GREB1L: variants seen among roughly 807,000 people sequenced by gnomAD.
GREB1L encodes the protein GREB1-like protein.
Under a neutral mutation model 200.8 loss-of-function variants are expected in GREB1L, and 17 were observed. That is an observed-to-expected ratio of 0.08 (90% CI 0.06 to 0.13). The LOEUF (loss-of-function observed/expected upper bound fraction) is 0.13. Among genes scored for constraint, GREB1L ranks in the 10% least tolerant of loss-of-function variants. GREB1L has a pLI of 1.00. For synonymous variants in GREB1L, 789 were observed against 893.0 expected (o/e 0.88, Z 2.08); for missense variants, 1,657 against 2,367.7 (o/e 0.70, Z 6.23).
At chr18:21,311,199 G>A (rs186281385) in intron 1 of GREB1L, among the ~76,000 whole-genome samples, 3 of 152,354 alleles carry the variant, frequency 2.0e-5, no homozygotes, top group East Asian at 3.9e-4. Context: ...AGTTATCAAT[G>A]CAAGCATTAG....
chr18:21,461,256 C>A (rs1171720296), intron 15 of GREB1L, among the ~76,000 whole-genome samples: 2 of 152,130 alleles, frequency 1.3e-5, no homozygotes, highest in Non-Finnish European at 2.9e-5. Flanking sequence ...GATAGAGTTT[C>A]CACCTTTGAG....
chr18:21,473,957 GACTT>G (rs1386431385), intron 16 of GREB1L, among the ~76,000 whole-genome samples: 1 of 152,162 alleles, frequency 6.6e-6, no homozygotes, highest in African/African-American at 2.4e-5. Flanking sequence ...GATCTCGTGA[GACTT>G]ACTGTCACAA....
intron 27 of GREB1L, among the ~76,000 whole-genome samples, chr18:21,510,621 T>G (rs1598951333): frequency 6.6e-6 from 1 of 152,268 alleles, no homozygotes; most frequent in African/African-American, 2.4e-5. Context: ...TCCCACCTTA[T>G]GGCTGTTGTG....
At chr18:21,370,914 C>CA (rs368064032) in intron 2 of GREB1L, among the ~76,000 whole-genome samples, 3,630 of 151,702 alleles carry the variant, frequency 0.024, 148 homozygotes, top group African/African-American at 0.081. Flanking sequence ...CCCGTCTCTA[C>CA]AAAAAAAATA....
rs201915546 is a variant in GREB1L at position 21,525,865 on chromosome 18, G to T, written c.*3044G>T. 6.5e-4 allele frequency among the ~76,000 whole-genome samples: 63 copies of T among 96,914 alleles called. No homozygotes were observed. The highest frequency in any genetic ancestry group is 1.7e-3 in the Non-Finnish European group (56 of 32,738). 63.6% of individuals were successfully genotyped at this position (96,914 alleles called of 152,430 possible). ...ATTAATAAAGTGTAGTAAATTAAAA[G>T]AATTTGACATAGATTCCATGAAAAC... On this transcript the variant is annotated 3_prime_UTR_variant, in exon 33 of 33. Transcript: ENST00000424526.
chr18:21,452,060 T>C, intron 13 of GREB1L, 23 bp from the exon 14 acceptor site: 1 of 1,550,508 alleles, frequency 6.4e-7, no homozygotes, highest in African/African-American at 1.4e-5. Flanking sequence ...CCTTGTAACC[T>C]TCTTATCTCT....
intron 1 of GREB1L, among the ~76,000 whole-genome samples, chr18:21,278,909 C>T (rs1016482960): frequency 6.6e-6 from 1 of 152,110 alleles, no homozygotes; most frequent in African/African-American, 2.4e-5. Context: ...CTAATAGTTA[C>T]ATTAGAATAG....
chr18:21,473,163 A>C lies in GREB1L; in HGVS notation c.2315A>C (p.Tyr772Ser). Residue 772 changes from tyrosine (Y) to serine (S), a missense_variant, in exon 16 of 33, where the codon TAC (tyrosine) becomes TCC (serine). Transcript: ENST00000424526. ...VFMRRVKQNPYTLFVLVHDNS... is the reference protein window; with the variant it reads ...VFMRRVKQNPSTLFVLVHDNS... The stretch of plus-strand genomic sequence containing the variant: ...ATGAGGAGAGTGAAACAGAACCCGT[A>C]CACACTGTTTGTGCTAGTTCATGAC... 6.5e-7 allele frequency: 1 copy of C among 1,549,370 alleles called. No homozygotes were observed. The highest frequency in any genetic ancestry group is 8.7e-7 in the Non-Finnish European group (1 of 1,145,776).
At chr18:21,245,845 G>C (rs1213801903) in intron 1 of GREB1L, among the ~76,000 whole-genome samples, 1 of 152,052 alleles carries the variant, frequency 6.6e-6, no homozygotes, top group African/African-American at 2.4e-5. Context: ...AGCCTCCCTA[G>C]CAGCTGTGAC....
At chr18:21,403,408 C>T (rs909565929) in intron 6 of GREB1L, among the ~76,000 whole-genome samples, 10 of 152,130 alleles carry the variant, frequency 6.6e-5, no homozygotes, top group African/African-American at 2.4e-4. Flanking sequence ...TTTTTCTTTG[C>T]TTCTGTTTTT....
chr18:21,437,300 C>T (rs764443401), intron 7 of GREB1L, among the ~76,000 whole-genome samples: 1 of 152,130 alleles, frequency 6.6e-6, no homozygotes, highest in African/African-American at 2.4e-5. Flanking sequence ...TCAGGTCCAA[C>T]AATTCTTGCA....
At chr18:21,279,554 A>AT (rs2038231399) in intron 1 of GREB1L, among the ~76,000 whole-genome samples, 1 of 152,204 alleles carries the variant, frequency 6.6e-6, no homozygotes, top group Non-Finnish European at 1.5e-5. Flanking sequence ...GATTCTTCCA[A>AT]TTTTTAATTC....
At chr18:21,514,107 C>T in intron 28 of GREB1L, 121 bp downstream of exon 28, 2 of 862,638 alleles carry the variant, frequency 2.3e-6, no homozygotes, top group South Asian at 3.7e-5. Flanking sequence ...AAACAGTCAA[C>T]CATGAGACCA....
At chr18:21,483,821 C>G (rs1287227594) in intron 17 of GREB1L, among the ~76,000 whole-genome samples, 3 of 145,868 alleles carry the variant, frequency 2.1e-5, no homozygotes, top group African/African-American at 7.4e-5. Flanking sequence ...ACTAAAAATA[C>G]AAAAATTAGC....
chr18:21,284,895 A>G (rs2038329854), intron 1 of GREB1L, among the ~76,000 whole-genome samples: 2 of 152,032 alleles, frequency 1.3e-5, no homozygotes, highest in Non-Finnish European at 2.9e-5. Context: ...GTAGTATCCC[A>G]TTGTGGGTTT....
At chr18:21,471,431 A>T (rs1275461299) in intron 15 of GREB1L, among the ~76,000 whole-genome samples, 1 of 152,150 alleles carries the variant, frequency 6.6e-6, no homozygotes. Context: ...TGCCTACCCC[A>T]TAGTACCTTG....
At chr18:21,445,825 G>A (rs2034185775) in intron 11 of GREB1L, among the ~76,000 whole-genome samples, 1 of 152,104 alleles carries the variant, frequency 6.6e-6, no homozygotes, top group Admixed American at 6.6e-5. Context: ...CAATTATAAA[G>A]CTCATCTGGG....
intron 17 of GREB1L, among the ~76,000 whole-genome samples, chr18:21,483,759 C>G (rs1253426869): frequency 1.3e-5 from 2 of 152,050 alleles, no homozygotes; most frequent in African/African-American, 2.4e-5. Context: ...GGTTGATCAC[C>G]TGAGATCAGG....
chr18:21,428,634 C>G (rs2032843178), intron 7 of GREB1L, among the ~76,000 whole-genome samples: 1 of 124,818 alleles, frequency 8.0e-6, no homozygotes, highest in Non-Finnish European at 1.5e-5. Flanking sequence ...GCATATAGTC[C>G]CTTTTTTTTT....
Sources: gnomAD v4.1 joint callset for allele counts (sites outside exome capture counted in the v4.1 genomes callset) on GRCh38, gnomAD v4.1.1 for gene constraint, MANE v1.5 for transcripts, NCBI Gene and HGNC (gene_info 2026-07-23, HGNC 2026-07-21) for gene names.